Variants in LRFN5 observed in about 807,000 individuals in gnomAD.
LRFN5 encodes the protein leucine rich repeat and fibronectin type III domain containing 5.
LRFN5 carries 24 observed loss-of-function variants against 45.6 expected under a neutral mutation model. The observed-to-expected ratio is 0.53, with a 90% CI of 0.38 to 0.74. The LOEUF (loss-of-function observed/expected upper bound fraction) is 0.74. Ranked by LOEUF, LRFN5 falls within the 30% of genes least tolerant of loss-of-function variation. The pLI is 0.00. For synonymous variants in LRFN5, 340 were observed against 313.8 expected (o/e 1.08, Z -0.88); for missense variants, 776 against 861.5 (o/e 0.90, Z 1.24).
rs537342613 is a variant in LRFN5 at position 41,666,998 on chromosome 14, ATTTC to A, written c.-197+58439_-197+58442del. 8.5e-5 allele frequency among the ~76,000 whole-genome samples: 13 copies of A among 152,218 alleles called. No individual in the cohort carries two copies. In the South Asian group the frequency reaches 2.7e-3, roughly 32 times the overall value. On this transcript the variant is annotated intron_variant, in intron 1 of 5. Coordinates refer to ENST00000298119, the MANE Select transcript of LRFN5 (RefSeq NM_152447.5). The stretch of plus-strand genomic sequence containing the variant: ...TTTGTAGGATTTTTATTGTATTTCT[ATTTC>A]TTATTTCACTTTTTAAAAGTCTACT...
chr14:41,752,334 C>T (rs982321581), intron 1 of LRFN5, among the ~76,000 whole-genome samples: 3 of 152,260 alleles, frequency 2.0e-5, no homozygotes, highest in East Asian at 1.9e-4. Context: ...CCTGAGGAAT[C>T]GCCACACTGA....
intron 2 of LRFN5, among the ~76,000 whole-genome samples, chr14:41,875,626 A>AT (rs1890160826): frequency 1.3e-5 from 2 of 152,228 alleles, no homozygotes; most frequent in Admixed American, 1.3e-4. Context: ...AAAACTTAGC[A>AT]TTCTGCATTA....
intron 2 of LRFN5, among the ~76,000 whole-genome samples, chr14:41,813,005 A>G (rs1024564573): frequency 2.6e-5 from 4 of 152,150 alleles, no homozygotes; most frequent in African/African-American, 9.6e-5. Flanking sequence ...CATAGAAAAT[A>G]TAGGTTGAAA....
intron 1 of LRFN5, chr14:41,700,876 A>G (rs1226938903): frequency 6.6e-6 from 1 of 152,100 alleles, no homozygotes; most frequent in Non-Finnish European, 1.5e-5. Context: ...TGTTCTTGGT[A>G]ACAGTAAAGA....
chr14:41,787,702 G>A (rs10138915), intron 2 of LRFN5, among the ~76,000 whole-genome samples: 104,533 of 151,730 alleles, frequency 0.69, 36,267 homozygotes, highest in East Asian at 0.92. Context: ...TTTTCATTAC[G>A]GGAATATAAC....
chr14:41,760,391 A>G (rs1001754639), intron 1 of LRFN5, among the ~76,000 whole-genome samples: 46 of 152,126 alleles, frequency 3.0e-4, no homozygotes, highest in African/African-American at 1.1e-3. Flanking sequence ...CCTTGCTTCT[A>G]TTATATCTAA....
chr14:41,886,019 C>A (rs1433777978), intron 2 of LRFN5, among the ~76,000 whole-genome samples: 245 of 88,692 alleles, frequency 2.8e-3, no homozygotes, highest in South Asian at 4.6e-3. Flanking sequence ...AGGCTCGTCT[C>A]AAAAAAAAAA....
At chr14:41,612,393 T>A (rs72684559) in intron 1 of LRFN5, among the ~76,000 whole-genome samples, 19,565 of 152,130 alleles carry the variant, frequency 0.13, 1,711 homozygotes, top group East Asian at 0.44. Context: ...TTTCAGTGAT[T>A]TTTATTTTCT....
chr14:41,678,367 A>G (rs1185750253), intron 1 of LRFN5, among the ~76,000 whole-genome samples: 1 of 152,150 alleles, frequency 6.6e-6, no homozygotes, highest in African/African-American at 2.4e-5. Context: ...AAATATATAT[A>G]CATCTAACAA....
intron 1 of LRFN5, among the ~76,000 whole-genome samples, chr14:41,723,016 C>G (rs1883790138): frequency 1.3e-5 from 2 of 152,182 alleles, no homozygotes. Flanking sequence ...TGGCCCCAAG[C>G]TCTCTGCATA....
chr14:41,834,849 G>A lies in LRFN5; in HGVS notation c.-20-51757G>A, dbSNP rs555283986. ...GGCTAATTTTCGTATTTTTTGTGGA[G>A]ATGAGGTTTCGCTCTGTTGCCCAGG... is the stretch of plus-strand genomic sequence containing the variant. On this transcript the variant is annotated intron_variant, in intron 2 of 5. Transcript: ENST00000298119. 3.9e-5 allele frequency among the ~76,000 whole-genome samples: 6 copies of A among 152,036 alleles called. No individual in the cohort carries two copies. The South Asian group carries it at 1.0e-3, about 26-fold the overall frequency.
chr14:41,615,473 G>A (rs192726957), intron 1 of LRFN5, among the ~76,000 whole-genome samples: 23 of 152,170 alleles, frequency 1.5e-4, no homozygotes, highest in African/African-American at 5.3e-4. Context: ...TCTGTATATC[G>A]TGATTTCAAG....
chr14:41,633,352 C>G (rs1888616300), intron 1 of LRFN5, among the ~76,000 whole-genome samples: 1 of 151,976 alleles, frequency 6.6e-6, no homozygotes, highest in East Asian at 1.9e-4. Context: ...AATTTTGTGA[C>G]TTGATTTTAG....
chr14:41,699,264 C>A (rs773076304), intron 1 of LRFN5, among the ~76,000 whole-genome samples: 2 of 152,036 alleles, frequency 1.3e-5, no homozygotes, highest in Non-Finnish European at 2.9e-5. Flanking sequence ...TGATGAAATG[C>A]TTTTTCTGTG....
chr14:41,846,626 T>C (rs1889077885), intron 2 of LRFN5, among the ~76,000 whole-genome samples: 1 of 152,176 alleles, frequency 6.6e-6, no homozygotes, highest in Admixed American at 6.6e-5. Flanking sequence ...ATTTGATTTG[T>C]CATGTTTATA....
chr14:41,850,221 T>G (rs1234890088), intron 2 of LRFN5, among the ~76,000 whole-genome samples: 3 of 151,900 alleles, frequency 2.0e-5, no homozygotes, highest in East Asian at 3.9e-4. Flanking sequence ...TACACATAGG[T>G]AATGCAAGTA....
At chr14:41,708,520 C>T (rs1883155595) in intron 1 of LRFN5, among the ~76,000 whole-genome samples, 1 of 151,944 alleles carries the variant, frequency 6.6e-6, no homozygotes, top group Non-Finnish European at 1.5e-5. Flanking sequence ...TCCGTATTTG[C>T]TTCATAAAGG....
At chr14:41,877,430 G>C (rs1001564794) in intron 2 of LRFN5, among the ~76,000 whole-genome samples, 7 of 152,184 alleles carry the variant, frequency 4.6e-5, no homozygotes, top group East Asian at 1.9e-4. Context: ...GTTAGAGAAG[G>C]CATGATCATG....
chr14:41,797,176 T>C (rs1442802442), intron 2 of LRFN5, among the ~76,000 whole-genome samples: 2 of 151,888 alleles, frequency 1.3e-5, no homozygotes, highest in Admixed American at 6.6e-5. Context: ...AGATAAATAG[T>C]CAACTGTGTT....
Sources: gnomAD v4.1 joint callset for allele counts (sites outside exome capture counted in the v4.1 genomes callset) on GRCh38, gnomAD v4.1.1 for gene constraint, MANE v1.5 for transcripts, NCBI Gene and HGNC (gene_info 2026-07-23, HGNC 2026-07-21) for gene names.